Variants in GPC6 observed in about 807,000 individuals in gnomAD.
The protein encoded by GPC6 is glypican-6.
In GPC6, 14 loss-of-function variants were observed where a neutral mutation model predicts 55.2. The ratio of observed to expected loss-of-function variants is 0.25; its 90% CI spans 0.17 to 0.40. The LOEUF is 0.40. Ranked by LOEUF, GPC6 falls within the 10% of genes least tolerant of loss-of-function variation. The pLI is 1.00. For synonymous variants in GPC6, 278 were observed against 259.6 expected (o/e 1.07, Z -0.68); for missense variants, 641 against 708.5 (o/e 0.90, Z 1.08).
chr13:94,397,524 T>G (rs1051738663), intron 7 of GPC6, among the ~76,000 whole-genome samples: 13 of 152,150 alleles, frequency 8.5e-5, no homozygotes, highest in African/African-American at 3.1e-4. Flanking sequence ...TATTACAAAA[T>G]AAAAACCCTA....
At chr13:93,650,144 T>C (rs907844775) in intron 2 of GPC6, among the ~76,000 whole-genome samples, 1 of 152,190 alleles carries the variant, frequency 6.6e-6, no homozygotes, top group Non-Finnish European at 1.5e-5. Context: ...TCTACATTTT[T>C]TTTTCTTTTA....
intron 4 of GPC6, among the ~76,000 whole-genome samples, chr13:94,094,938 A>T (rs553115834): frequency 6.6e-6 from 1 of 152,234 alleles, no homozygotes; most frequent in Non-Finnish European, 1.5e-5. Context: ...TGTCGTAAAT[A>T]TTGCAATATT....
intron 5 of GPC6, among the ~76,000 whole-genome samples, chr13:94,288,009 CCATT>C (rs951567786): frequency 1.3e-5 from 2 of 152,128 alleles, no homozygotes; most frequent in Non-Finnish European, 2.9e-5. Context: ...CCTTTTCATT[CCATT>C]CATTCATTCA....
At chr13:93,408,444 G>A (rs559795311) in intron 1 of GPC6, among the ~76,000 whole-genome samples, 1 of 152,220 alleles carries the variant, frequency 6.6e-6, no homozygotes, top group Admixed American at 6.5e-5. Flanking sequence ...AGTCTTGTGT[G>A]CTGACACTAA....
intron 4 of GPC6, among the ~76,000 whole-genome samples, chr13:94,197,884 T>C (rs1214918476): frequency 6.6e-6 from 1 of 152,098 alleles, no homozygotes; most frequent in African/African-American, 2.4e-5. Context: ...TAAAAAAAGC[T>C]CTATGCCCTG....
intron 2 of GPC6, among the ~76,000 whole-genome samples, chr13:93,795,008 T>C (rs1886154885): frequency 6.6e-6 from 1 of 152,192 alleles, no homozygotes. Context: ...ATATAGACTG[T>C]GAAAAATTCT....
intron 5 of GPC6, among the ~76,000 whole-genome samples, chr13:94,289,433 G>C (rs1245569124): frequency 1.3e-5 from 2 of 152,126 alleles, no homozygotes; most frequent in Non-Finnish European, 2.9e-5. Context: ...CACACAGGGA[G>C]ATGACTGGGA....
chr13:93,787,019 C>G (rs1885835417), intron 2 of GPC6, among the ~76,000 whole-genome samples: 2 of 152,158 alleles, frequency 1.3e-5, no homozygotes, highest in South Asian at 4.1e-4. Flanking sequence ...CTGAAAGGTA[C>G]TTTCAAGTCT....
At chr13:93,957,850 A>C (rs1879575671) in intron 3 of GPC6, among the ~76,000 whole-genome samples, 2 of 152,154 alleles carry the variant, frequency 1.3e-5, no homozygotes, top group African/African-American at 4.8e-5. Flanking sequence ...GCAGTGTATA[A>C]GCATTCCCTT....
chr13:94,060,977 A>G (rs1190824912), intron 4 of GPC6, among the ~76,000 whole-genome samples: 1 of 152,166 alleles, frequency 6.6e-6, no homozygotes, highest in Non-Finnish European at 1.5e-5. Context: ...CAGACACAGA[A>G]CTAGATATAT....
intron 3 of GPC6, among the ~76,000 whole-genome samples, chr13:93,918,974 G>T (rs1209488147): frequency 6.6e-6 from 1 of 152,202 alleles, no homozygotes; most frequent in Non-Finnish European, 1.5e-5. Flanking sequence ...TTCCCAGTGT[G>T]GGAGGTGGAA....
At chr13:93,851,770 A>G (rs1422426064) in intron 3 of GPC6, among the ~76,000 whole-genome samples, 2 of 151,832 alleles carry the variant, frequency 1.3e-5, no homozygotes, top group Non-Finnish European at 2.9e-5. Context: ...CGCACAGTCA[A>G]CAGGATTTTG....
intron 3 of GPC6, among the ~76,000 whole-genome samples, chr13:93,858,827 C>T (rs148302036): frequency 1.3e-4 from 20 of 151,142 alleles, no homozygotes; most frequent in African/African-American, 4.8e-4. Flanking sequence ...TCACTGTGGG[C>T]AGCAAATGTA....
At chr13:93,577,929 A>AT (rs1390719109) in intron 2 of GPC6, among the ~76,000 whole-genome samples, 1 of 152,046 alleles carries the variant, frequency 6.6e-6, no homozygotes, top group African/African-American at 2.4e-5. Context: ...GGCATGTTGA[A>AT]TTTTATCTAA....
intron 3 of GPC6, among the ~76,000 whole-genome samples, chr13:93,887,474 A>T (rs959301549): frequency 1.3e-5 from 2 of 152,150 alleles, no homozygotes; most frequent in African/African-American, 2.4e-5. Context: ...AGAATTATTC[A>T]TGACTGAATT....
intron 7 of GPC6, among the ~76,000 whole-genome samples, chr13:94,394,015 A>G (rs1304964006): frequency 6.6e-6 from 1 of 152,122 alleles, no homozygotes; most frequent in East Asian, 1.9e-4. Flanking sequence ...AGATGACAAG[A>G]ACTGTCAATT....
chr13:93,678,301 A>G (rs1447323136), intron 2 of GPC6, among the ~76,000 whole-genome samples: 1 of 152,190 alleles, frequency 6.6e-6, no homozygotes, highest in Non-Finnish European at 1.5e-5. Flanking sequence ...ATTCCATTCC[A>G]TAGATATAGC....
intron 3 of GPC6, among the ~76,000 whole-genome samples, chr13:93,905,447 A>G (rs1052166234): frequency 6.6e-6 from 1 of 152,130 alleles, no homozygotes; most frequent in Admixed American, 6.5e-5. Flanking sequence ...AGCCAGTCAT[A>G]TTGTTTAAAA....
chr13:94,025,410 T>C (rs78732074), intron 3 of GPC6: 8 of 121,214 alleles, frequency 6.6e-5, no homozygotes, highest in African/African-American at 3.0e-4. Context: ...CTTTTTCCTG[T>C]TTTTTTTTTT....
Sources: allele counts gnomAD v4.1 joint callset (sites outside exome capture counted in the v4.1 genomes callset), GRCh38; gene constraint gnomAD v4.1.1; transcripts MANE v1.5; gene names NCBI Gene and HGNC (gene_info 2026-07-23, HGNC 2026-07-21).